Variants in TPCN1 observed in about 807,000 individuals in gnomAD.
TPCN1 encodes two pore segment channel 1.
TPCN1 carries 52 observed loss-of-function variants against 108.8 expected under a neutral mutation model. That is an observed-to-expected ratio of 0.48 (90% CI 0.38 to 0.60). The LOEUF (loss-of-function observed/expected upper bound fraction) is 0.60. TPCN1 is among the 20% of genes least tolerant of loss of function. The probability of loss-of-function intolerance (pLI) is 0.00; values close to 1 mark genes in which losing one functional copy is unlikely to be tolerated. For synonymous variants in TPCN1, 446 were observed against 433.7 expected, an observed-to-expected ratio of 1.03 and a Z score of -0.35; for missense variants, 806 against 1,072.8, an observed-to-expected ratio of 0.75 and a Z score of 3.47.
intron 1 of TPCN1, among the ~76,000 whole-genome samples, chr12:113,222,094 A>T (rs967322007): frequency 1.3e-5 from 2 of 152,086 alleles, no homozygotes; most frequent in Non-Finnish European, 2.9e-5. Flanking sequence ...CGGAGGGAAC[A>T]CTGGACCAGG....
Position 113,231,764 on chromosome 12 carries a change from TCA to T in TPCN1, c.112+4803_112+4804del, listed in dbSNP as rs201538070. ...GGCTGCTGCAGTGCTAATGAATGAC[TCA>T]CAGGCAGCATGGTGTCAGGTTGATA... On this transcript the variant is annotated intron_variant, in intron 2 of 27. Transcript: ENST00000335509. The surrounding 1 kb of genome is among the most constrained non-coding windows in gnomAD (Gnocchi z 4.3). Among the ~76,000 whole-genome samples the T allele has an allele frequency of 4.1e-3, 627 of 152,278 alleles. 6 individuals carry two copies. Among genetic ancestry groups the T allele is most frequent in the Admixed American group, 9.4e-3 (144 of 15,302 alleles).
At chr12:113,251,267 C>T (rs1327869596) in intron 2 of TPCN1, among the ~76,000 whole-genome samples, 1 of 152,194 alleles carries the variant, frequency 6.6e-6, no homozygotes, top group East Asian at 1.9e-4. Flanking sequence ...TGCCACTGCA[C>T]TACAGCCTGG....
At chr12:113,222,060 C>T (rs555464221) in intron 1 of TPCN1, among the ~76,000 whole-genome samples, 2 of 152,278 alleles carry the variant, frequency 1.3e-5, no homozygotes, top group African/African-American at 4.8e-5. Context: ...GTTGGGTCCT[C>T]TGTAGAGGCA....
chr12:113,233,599 A>G (rs1359010765), intron 2 of TPCN1, among the ~76,000 whole-genome samples: 1 of 152,244 alleles, frequency 6.6e-6, no homozygotes, highest in Non-Finnish European at 1.5e-5. Flanking sequence ...TGGTTCGGAC[A>G]TCCTCTGACT....
intron 17 of TPCN1, among the ~76,000 whole-genome samples, chr12:113,285,407 G>A (rs542222906): frequency 6.6e-5 from 10 of 152,146 alleles, no homozygotes; most frequent in Admixed American, 3.9e-4. Context: ...ATCTTTCTCT[G>A]TCACCCAAGC....
At chr12:113,285,324 G>T (rs963710131) in intron 17 of TPCN1, among the ~76,000 whole-genome samples, 2 of 152,226 alleles carry the variant, frequency 1.3e-5, no homozygotes, top group Non-Finnish European at 2.9e-5. Context: ...ACACCTGTTG[G>T]ATGGACAGAT....
At chr12:113,280,082 ATAAT>A (rs1955836014) in intron 14 of TPCN1, 65 bp from the exon 15 acceptor site, 1 of 1,242,868 alleles carries the variant, frequency 8.0e-7, no homozygotes, top group South Asian at 1.2e-5. Context: ...AGAGATAATA[ATAAT>A]TAAGGATACA....
At position 113,269,401 on chromosome 12, in the gene TPCN1, G is replaced by C. The variant is rs936844675; in HGVS notation, c.660-356G>C. Among the ~76,000 whole-genome samples, 1 of 152,210 alleles carries C rather than the reference G, an allele frequency of 6.6e-6. No individual in the cohort carries two copies. Among genetic ancestry groups the C allele is most frequent in the Non-Finnish European group, 1.5e-5 (1 of 68,040 alleles). The stretch of plus-strand genomic sequence containing the variant: ...AACAGGCCCAGTGTCCCAGGACTAA[G>C]TGGCCTTGAAATGTCTTCATGCCTT... On this transcript the variant is annotated intron_variant, in intron 6 of 27. Coordinates refer to ENST00000335509, the MANE Select transcript of TPCN1 (RefSeq NM_017901.6). The surrounding 1 kb of genome is among the most constrained non-coding windows in gnomAD (Gnocchi z 5.0).
In TPCN1 at chr12:113,241,731, T is replaced by C. The variant is rs148644152; in HGVS notation, c.112+14767T>C. 8.6e-5 allele frequency among the ~76,000 whole-genome samples: 13 copies of C among 151,806 alleles called. No individual in the cohort carries two copies. The East Asian group carries it at 2.5e-3, about 29-fold the overall frequency. ...TTCGCACAGGTGCTGTACTCTTCAC[T>C]GGGTAAACAGTGGCGTTTGCGTGCC... On this transcript the variant is annotated intron_variant, in intron 2 of 27. Coordinates refer to ENST00000335509, the MANE Select transcript of TPCN1 (RefSeq NM_017901.6).
intron 3 of TPCN1, among the ~76,000 whole-genome samples, chr12:113,261,888 G>T (rs1264367248): frequency 1.3e-5 from 2 of 151,468 alleles, no homozygotes; most frequent in African/African-American, 4.9e-5. Flanking sequence ...GAAAGTAAAA[G>T]AAATGGAAAT....
In TPCN1 at chr12:113,288,338, G is replaced by T. The variant is rs115204856; in HGVS notation, c.1706+104G>T. On this transcript the variant is annotated intron_variant, in intron 20 of 27. Coordinates refer to ENST00000335509, the MANE Select transcript of TPCN1 (RefSeq NM_017901.6). This position sits in a 1 kb window ranked among gnomAD's most constrained non-coding sequence, Gnocchi z 4.8. ...GTCGGGGGAAAGGAGTTCCACAAAGGACTGCAATCGAGGGCCTGACGGGGC... is the reference window on the plus strand; with the variant it reads ...GTCGGGGGAAAGGAGTTCCACAAAGTACTGCAATCGAGGGCCTGACGGGGC... 5.5e-5 allele frequency: 85 copies of T among 1,557,368 alleles called. No individual in the cohort carries two copies. In the African/African-American group the frequency reaches 9.9e-4, roughly 18 times the overall value.
chr12:113,261,657 G>C (rs1253976396), intron 3 of TPCN1, among the ~76,000 whole-genome samples: 1 of 151,996 alleles, frequency 6.6e-6, no homozygotes, highest in Non-Finnish European at 1.5e-5. Context: ...TCAAACTCTT[G>C]ACCTCAGGTG....
chr12:113,254,027 G>C (rs1019020533), intron 2 of TPCN1, among the ~76,000 whole-genome samples: 2 of 152,236 alleles, frequency 1.3e-5, no homozygotes, highest in Non-Finnish European at 2.9e-5. Flanking sequence ...CAAGCTGCTA[G>C]GGGCCAAAGC....
intron 22 of TPCN1, 118 bp downstream of exon 22, chr12:113,290,361 C>G: frequency 1.4e-6 from 1 of 734,904 alleles, no homozygotes; most frequent in South Asian, 1.7e-5. Context: ...CTGGAAGCCT[C>G]CCTGGCCCAG....
Position 113,288,371 on chromosome 12 carries a change from A to C in TPCN1, c.1706+137A>C, listed in dbSNP as rs1956160860. 6.6e-7 allele frequency: 1 copy of C among 1,509,190 alleles called. No homozygotes were observed. Among genetic ancestry groups the C allele is most frequent in the African/African-American group, 1.4e-5 (1 of 72,348 alleles). 93.5% of individuals were successfully genotyped at this position (1,509,190 alleles called of 1,614,324 possible). A position where few individuals can be genotyped will look rare whatever the true frequency, so the allele number is the denominator to read the frequency against. On this transcript the variant is annotated intron_variant, in intron 20 of 27. Coordinates refer to ENST00000335509, the MANE Select transcript of TPCN1 (RefSeq NM_017901.6). The surrounding 1 kb of genome is among the most constrained non-coding windows in gnomAD (Gnocchi z 4.8). ...TCGAGGGCCTGACGGGGCTCCAAGG[A>C]GCCTGGAATCTTGACCACCACAGGT...
intron 22 of TPCN1, 59 bp from the exon 23 acceptor site, chr12:113,290,893 T>G (rs2136761892): frequency 1.3e-4 from 209 of 1,557,096 alleles, no homozygotes; most frequent in Non-Finnish European, 1.7e-4. Context: ...AGAGGCCACT[T>G]GAAATTGACT....
chr12:113,242,152 G>C (rs1014944667), intron 2 of TPCN1, among the ~76,000 whole-genome samples: 1 of 152,204 alleles, frequency 6.6e-6, no homozygotes, highest in African/African-American at 2.4e-5. Context: ...AATTTAATCT[G>C]CCTCACGAAT....
intron 15 of TPCN1, among the ~76,000 whole-genome samples, chr12:113,283,095 A>T (rs1201635415): frequency 3.3e-5 from 5 of 152,176 alleles, no homozygotes; most frequent in Non-Finnish European, 7.3e-5. Context: ...GCAAAAAAAA[A>T]TTATGTAAAA....
At chr12:113,246,205 C>T (rs926674201) in intron 2 of TPCN1, 4 of 369,984 alleles carry the variant, frequency 1.1e-5, no homozygotes, top group Non-Finnish European at 2.2e-5. Context: ...AGTGGTTTTA[C>T]GTTCTCTCCT....
Sources: allele counts gnomAD v4.1 joint callset (sites outside exome capture counted in the v4.1 genomes callset), GRCh38; gene constraint gnomAD v4.1.1; non-coding constraint Gnocchi (gnomAD v3.1); transcripts MANE v1.5; gene names NCBI Gene and HGNC (gene_info 2026-07-23, HGNC 2026-07-21).